MYBPHL: variants seen among roughly 807,000 people sequenced by gnomAD.
MYBPHL encodes myosin-binding protein H-like.
A neutral mutation model predicts 39.5 loss-of-function variants in MYBPHL; 32 were observed. The observed-to-expected ratio is 0.81, with a 90% CI of 0.61 to 1.09. MYBPHL has a LOEUF of 1.09. Among genes scored for constraint, MYBPHL ranks in the 50% least tolerant of loss-of-function variants. The pLI is 0.00. For missense variants in MYBPHL, 456 were observed against 460.2 expected, an observed-to-expected ratio of 0.99 and a Z score of 0.08; for synonymous variants, 196 against 183.7, an observed-to-expected ratio of 1.07 and a Z score of -0.54.
In MYBPHL at chr1:109,295,154, G is replaced by C; in HGVS notation, c.1011C>G (p.Asn337Lys). The C allele has an allele frequency of 6.2e-7, 1 of 1,613,938 alleles. No homozygotes were observed. The highest frequency in any genetic ancestry group is 2.2e-5 in the East Asian group (1 of 44,872). Residue 337 changes from asparagine (N) to lysine (K), a missense_variant, in exon 7 of 9, where the codon AAC becomes AAG. Transcript: ENST00000357155. ...AGTCCACAGATGCCTCCCCTAGGGG[G>C]TTCACCGCCTTGCAGGTATAGATGC... ...DGGIYTCKAV[N>K]PLGEASVDCR... is the part of the protein sequence containing the mutation.
At chr1:109,299,565 A>G (rs1332365311) in intron 1 of MYBPHL, among the ~76,000 whole-genome samples, 1 of 152,234 alleles carries the variant, frequency 6.6e-6, no homozygotes, top group Admixed American at 6.5e-5. Flanking sequence ...CCCCATGATA[A>G]TCTCAAGGTC....
intron 1 of MYBPHL, among the ~76,000 whole-genome samples, chr1:109,304,568 G>C (rs552523176): frequency 6.6e-6 from 1 of 152,296 alleles, no homozygotes; most frequent in South Asian, 2.1e-4. Flanking sequence ...CAGACTCTGA[G>C]GGGTCAGGAT....
At chr1:109,296,132 G>A (rs1240040989) in intron 6 of MYBPHL, 102 bp downstream of exon 6, 3 of 1,412,016 alleles carry the variant, frequency 2.1e-6, no homozygotes, top group Non-Finnish European at 1.9e-6. Flanking sequence ...TGGCGGTGAT[G>A]GTAACAGATG....
intron 1 of MYBPHL, among the ~76,000 whole-genome samples, chr1:109,300,956 G>T (rs1006222107): frequency 1.3e-5 from 2 of 152,250 alleles, no homozygotes; most frequent in Non-Finnish European, 2.9e-5. Flanking sequence ...GGCAGAGTAT[G>T]GACGTGAGGC....
chr1:109,299,885 T>C (rs1373985642), intron 1 of MYBPHL, among the ~76,000 whole-genome samples: 1 of 152,056 alleles, frequency 6.6e-6, no homozygotes, highest in East Asian at 1.9e-4. Context: ...GAAGAAGCGT[T>C]TGTGTGATGG....
intron 8 of MYBPHL, among the ~76,000 whole-genome samples, chr1:109,293,833 G>T (rs1244532855): frequency 1.3e-5 from 2 of 152,098 alleles, no homozygotes; most frequent in South Asian, 4.1e-4. Flanking sequence ...GGAGGCCGAG[G>T]TGAGTGAATC....
At chr1:109,300,019 G>T (rs1452561098) in intron 1 of MYBPHL, among the ~76,000 whole-genome samples, 2 of 152,234 alleles carry the variant, frequency 1.3e-5, no homozygotes, top group African/African-American at 4.8e-5. Flanking sequence ...ATCTTGTCAG[G>T]CTTGGTTCCC....
chr1:109,306,755 AG>A, intron 1 of MYBPHL, 91 bp downstream of exon 1: 1 of 1,161,100 alleles, frequency 8.6e-7, no homozygotes, highest in South Asian at 1.7e-5. Context: ...TTAGCTCTGC[AG>A]AAAACCTGAG....
chr1:109,292,798 C>A (rs550844716), intron 8 of MYBPHL: 2 of 152,320 alleles, frequency 1.3e-5, no homozygotes, highest in Admixed American at 1.3e-4. Context: ...AATTCATTTC[C>A]AATTTCCATC....
In MYBPHL at chr1:109,306,856, G is replaced by A. The variant is rs146017045; in HGVS notation, c.136C>T (p.Pro46Ser). 5 of 1,581,190 alleles carry A rather than the reference G, an allele frequency of 3.2e-6. No homozygotes were observed. Among genetic ancestry groups the A allele is most frequent in the Non-Finnish European group, 4.3e-6 (5 of 1,167,156 alleles). Reference sequence around the variant, plus strand: ...ACCTGCCATGGGTCACCTTCTATAGGGGGCAGGAGCTGGGGAGTGGGGCTG... The same window carrying A: ...ACCTGCCATGGGTCACCTTCTATAGAGGGCAGGAGCTGGGGAGTGGGGCTG... ...AGSPTPQLLPPIEEHPKIWLP... is the reference protein window; with the variant it reads ...AGSPTPQLLPSIEEHPKIWLP... Residue 46 changes from proline (P) to serine (S), a missense_variant, in exon 1 of 9, where the codon CCT becomes TCT. Coordinates refer to ENST00000357155, the MANE Select transcript of MYBPHL (RefSeq NM_001010985.3).
rs761925053 is a variant in MYBPHL, at chr1:109,306,881, G to T, written c.111C>A (p.Gly37=). The change falls in exon 1 of 9, where the codon GGC becomes GGA. Residue 37 remains glycine (G), a synonymous_variant. Transcript: ENST00000357155. ...GGGGCAGGAGCTGGGGAGTGGGGCT[G>T]CCAGCCCCCTGTCCAGGTGAAGCCT... ...PPQASPGQGA[G]SPTPQLLPPI... is the part of the protein sequence containing the mutation. 6.2e-7 allele frequency: 1 copy of T among 1,600,878 alleles called. No individual in the cohort carries two copies. The highest frequency in any genetic ancestry group is 1.1e-5 in the South Asian group (1 of 89,288).
chr1:109,299,582 C>A (rs1469742596), intron 1 of MYBPHL, among the ~76,000 whole-genome samples: 1 of 152,256 alleles, frequency 6.6e-6, no homozygotes, highest in Non-Finnish European at 1.5e-5. Context: ...GGTCGCGAGA[C>A]CTTTGCAAAT....
chr1:109,294,712 T>A (rs1289145938), intron 7 of MYBPHL, among the ~76,000 whole-genome samples: 1 of 152,148 alleles, frequency 6.6e-6, no homozygotes, highest in Admixed American at 6.5e-5. Context: ...TGACAAACAG[T>A]TGCAGCTTTC....
At chr1:109,303,881 A>C (rs1658374225) in intron 1 of MYBPHL, among the ~76,000 whole-genome samples, 1 of 152,014 alleles carries the variant, frequency 6.6e-6, no homozygotes, top group Non-Finnish European at 1.5e-5. Context: ...AATGGCCCCA[A>C]CCCATAAAGC....
At chr1:109,297,022 A>G (rs750600872) in intron 4 of MYBPHL, 28 bp downstream of exon 4, 17 of 1,613,052 alleles carry the variant, frequency 1.1e-5, no homozygotes, top group Non-Finnish European at 1.4e-5. Context: ...GCCCTCTTCC[A>G]CCCTCCTTCC....
In MYBPHL at chr1:109,297,045, C is replaced by A; in HGVS notation, c.570+5G>T. 4.3e-6 allele frequency: 7 copies of A among 1,614,148 alleles called. No homozygotes were observed. Among genetic ancestry groups the A allele is most frequent in the Non-Finnish European group, 5.9e-6 (7 of 1,180,026 alleles). ...CCACCCTCCTTCCTTCCCAGCTGGC[C>A]TCACCCCGGATTTTGTGTCAGCCTT... On this transcript the variant is annotated splice_donor_5th_base_variant and intron_variant, in intron 4 of 8. Coordinates refer to ENST00000357155, the MANE Select transcript of MYBPHL (RefSeq NM_001010985.3).
At chr1:109,301,451 C>T (rs979206985) in intron 1 of MYBPHL, among the ~76,000 whole-genome samples, 5 of 152,164 alleles carry the variant, frequency 3.3e-5, no homozygotes, top group Non-Finnish European at 7.3e-5. Flanking sequence ...TTAGAGAAAA[C>T]TACTTCAGGC....
At position 109,302,538 on chromosome 1, in the gene MYBPHL, C is replaced by T. The variant is rs553117254; in HGVS notation, c.146-4281G>A. Among the ~76,000 whole-genome samples the T allele has an allele frequency of 3.3e-5, 5 of 152,300 alleles. No homozygotes were observed. The South Asian group carries it at 1.0e-3, about 32-fold the overall frequency. ...CCCCCTAGTGCTTGATGGTTTTAGCCCTGGCTCACTGTCTCTCCAACACCC... is the reference window on the plus strand; with the variant it reads ...CCCCCTAGTGCTTGATGGTTTTAGCTCTGGCTCACTGTCTCTCCAACACCC... On this transcript the variant is annotated intron_variant, in intron 1 of 8. Transcript: ENST00000357155.
At chr1:109,301,941 A>G (rs1430892491) in intron 1 of MYBPHL, among the ~76,000 whole-genome samples, 1 of 152,160 alleles carries the variant, frequency 6.6e-6, no homozygotes, top group African/African-American at 2.4e-5. Context: ...TAGGGGCTGT[A>G]TAGTTCAGAC....
Sources: gnomAD v4.1 joint callset for allele counts (sites outside exome capture counted in the v4.1 genomes callset) on GRCh38, gnomAD v4.1.1 for gene constraint, MANE v1.5 for transcripts, NCBI Gene and HGNC (gene_info 2026-07-23, HGNC 2026-07-21) for gene names.